GRIA1: variants seen among roughly 807,000 people sequenced by gnomAD.
GRIA1 encodes the protein glutamate receptor 1.
In GRIA1, 31 loss-of-function variants were observed where a neutral mutation model predicts 99.2. That is an observed-to-expected ratio of 0.31 (90% CI 0.23 to 0.42). The LOEUF (loss-of-function observed/expected upper bound fraction) is 0.42, where lower values mean the gene tolerates loss of function less well. Ranked by LOEUF, GRIA1 falls within the 10% of genes least tolerant of loss-of-function variation. The pLI is 1.00. For synonymous variants in GRIA1, 438 were observed against 432.4 expected (o/e 1.01, Z -0.16); for missense variants, 782 against 1,157.5 (o/e 0.68, Z 4.71).
intron 11 of GRIA1, among the ~76,000 whole-genome samples, chr5:153,717,149 C>T (rs1385256787): frequency 6.6e-6 from 1 of 152,090 alleles, no homozygotes; most frequent in Non-Finnish European, 1.5e-5. Flanking sequence ...ATGCTGCCTC[C>T]CTGGAACACA....
intron 11 of GRIA1, among the ~76,000 whole-genome samples, chr5:153,722,800 T>G (rs1401945208): frequency 2.6e-5 from 4 of 152,184 alleles, no homozygotes; most frequent in Admixed American, 6.5e-5. Context: ...ACATAGAGAC[T>G]CCTACGAGAA....
At chr5:153,767,539 C>A (rs1256593704) in intron 12 of GRIA1, among the ~76,000 whole-genome samples, 1 of 152,164 alleles carries the variant, frequency 6.6e-6, no homozygotes, top group Non-Finnish European at 1.5e-5. Flanking sequence ...CATGCATAAG[C>A]CTTTCCATCT....
chr5:153,747,639 C>T (rs1231310903), intron 11 of GRIA1, among the ~76,000 whole-genome samples: 1 of 152,214 alleles, frequency 6.6e-6, no homozygotes, highest in East Asian at 1.9e-4. Flanking sequence ...CTTGTCCAAG[C>T]TTCCACACCA....
rs1761663381 is a variant in GRIA1 at position 153,739,978 on chromosome 5, A to ATCT, written c.1824-24454_1824-24452dup. 6.6e-5 allele frequency among the ~76,000 whole-genome samples: 10 copies of ATCT among 152,338 alleles called. No homozygotes were observed. The South Asian group carries it at 1.7e-3, about 25-fold the overall frequency. ...TGATTTATGAGACGTGTTGTTGATG[A>ATCT]TCTTATTAATATCTTTTTAAAATAT... On this transcript the variant is annotated intron_variant, in intron 11 of 15. Transcript: ENST00000285900.
intron 7 of GRIA1, among the ~76,000 whole-genome samples, chr5:153,677,679 T>C (rs927817177): frequency 3.3e-5 from 5 of 152,224 alleles, no homozygotes; most frequent in African/African-American, 1.2e-4. Flanking sequence ...GGATAGAAAA[T>C]GGCCACGCCA....
intron 11 of GRIA1, among the ~76,000 whole-genome samples, chr5:153,722,578 T>A (rs1225278423): frequency 6.6e-6 from 1 of 152,240 alleles, no homozygotes; most frequent in Non-Finnish European, 1.5e-5. Context: ...TCCTTTCTTC[T>A]TACTGTATAC....
chr5:153,669,093 T>G (rs59759459), intron 5 of GRIA1, among the ~76,000 whole-genome samples: 3,317 of 152,316 alleles, frequency 0.022, 110 homozygotes, highest in African/African-American at 0.076. Context: ...GGATGGATAC[T>G]CACTCACTCA....
chr5:153,610,210 G>A (rs908709778), intron 2 of GRIA1, among the ~76,000 whole-genome samples: 12 of 152,216 alleles, frequency 7.9e-5, no homozygotes, highest in South Asian at 2.1e-4. Context: ...CAGATAGTGT[G>A]TATCTCCCAG....
chr5:153,729,270 A>C (rs1399900958), intron 11 of GRIA1, among the ~76,000 whole-genome samples: 3 of 151,962 alleles, frequency 2.0e-5, no homozygotes, highest in African/African-American at 7.3e-5. Context: ...GCATTAGGAG[A>C]TATACCTAAT....
chr5:153,665,776 A>G lies in GRIA1; in HGVS notation c.700-8724A>G, dbSNP rs144129850. Among the ~76,000 whole-genome samples the G allele has an allele frequency of 3.9e-4, 59 of 152,330 alleles. 1 individual carries two copies. In the East Asian group the frequency reaches 8.5e-3, roughly 22 times the overall value. On this transcript the variant is annotated intron_variant, in intron 5 of 15. Coordinates refer to ENST00000285900, the MANE Select transcript of GRIA1 (RefSeq NM_000827.4). ...TGGAATCTTGGGGGAGAACTCTCATATATAAAACAGATAAAAAGCAGAGCT... is the reference window on the plus strand; with the variant it reads ...TGGAATCTTGGGGGAGAACTCTCATGTATAAAACAGATAAAAAGCAGAGCT...
chr5:153,734,495 A>G (rs1340285746), intron 11 of GRIA1, among the ~76,000 whole-genome samples: 10 of 152,222 alleles, frequency 6.6e-5, no homozygotes, highest in Non-Finnish European at 1.3e-4. Context: ...GGCTCTGTCC[A>G]TAACTTATAT....
At chr5:153,761,747 C>A (rs1763195713) in intron 11 of GRIA1, among the ~76,000 whole-genome samples, 1 of 152,046 alleles carries the variant, frequency 6.6e-6, no homozygotes, top group Non-Finnish European at 1.5e-5. Context: ...TTCACAGTAA[C>A]CAAAATATGG....
intron 11 of GRIA1, among the ~76,000 whole-genome samples, chr5:153,741,346 G>C (rs115151692): frequency 1.3e-5 from 2 of 152,204 alleles, no homozygotes; most frequent in East Asian, 1.9e-4. Context: ...CAATATGGAG[G>C]TTCCTTAGAA....
At chr5:153,566,957 T>C (rs939459414) in intron 2 of GRIA1, among the ~76,000 whole-genome samples, 8 of 152,238 alleles carry the variant, frequency 5.3e-5, no homozygotes, top group Admixed American at 2.6e-4. Flanking sequence ...CCTCGGGTGA[T>C]CCACCCGCCT....
At position 153,493,959 on chromosome 5, in the gene GRIA1, A is replaced by T. The variant is rs369571702; in HGVS notation, c.114A>T (p.Glu38Asp). 13 of 1,614,080 alleles carry T rather than the reference A, an allele frequency of 8.1e-6. No individual in the cohort carries two copies. Among genetic ancestry groups the T allele is most frequent in the Non-Finnish European group, 1.1e-5 (13 of 1,179,934 alleles). The change falls in exon 2 of 16, where the codon GAA becomes GAT. Residue 38 changes from glutamate to aspartate, a missense_variant. This residue lies in a region of GRIA1 where 461 missense variants were observed against 521.7 expected (regional missense o/e 0.88). Transcript: ENST00000285900. ...TATTTCCAAACCAGCAGTCACAGGA[A>T]CATGCTGCTTTTAGATTTGCTTTGT... is the stretch of plus-strand genomic sequence containing the variant. ...GGLFPNQQSQEHAAFRFALSQ... is the reference protein window; with the variant it reads ...GGLFPNQQSQDHAAFRFALSQ...
intron 4 of GRIA1, 61 bp downstream of exon 4, chr5:153,650,575 C>T (rs1754490269): frequency 4.6e-6 from 7 of 1,519,646 alleles, no homozygotes; most frequent in Non-Finnish European, 6.3e-6. Flanking sequence ...TAGCCAGACA[C>T]ACTTTTGCCT....
intron 2 of GRIA1, among the ~76,000 whole-genome samples, chr5:153,515,750 A>G (rs1171450399): frequency 6.6e-6 from 1 of 152,238 alleles, no homozygotes; most frequent in Non-Finnish European, 1.5e-5. Flanking sequence ...TGTCAATTAA[A>G]AACAAATTTT....
chr5:153,742,307 CAAT>C (rs1373233927), intron 11 of GRIA1, among the ~76,000 whole-genome samples: 7 of 152,110 alleles, frequency 4.6e-5, no homozygotes, highest in Non-Finnish European at 1.0e-4. Flanking sequence ...GGATGACTAA[CAAT>C]AGTCACGAGA....
At chr5:153,684,360 C>G (rs1757199747) in intron 7 of GRIA1, among the ~76,000 whole-genome samples, 1 of 152,148 alleles carries the variant, frequency 6.6e-6, no homozygotes, top group Admixed American at 6.5e-5. Context: ...CAAAAAATAT[C>G]TCTTTTAATC....
Sources: allele counts gnomAD v4.1 joint callset (sites outside exome capture counted in the v4.1 genomes callset), GRCh38; gene constraint gnomAD v4.1.1; regional missense constraint gnomAD v4.1.1; transcripts MANE v1.5; gene names NCBI Gene and HGNC (gene_info 2026-07-23, HGNC 2026-07-21).